The following TRABD2B variants were observed in gnomAD, a reference collection of about 807,000 sequenced individuals.
TRABD2B encodes the protein metalloprotease TIKI2.
In TRABD2B, 14 loss-of-function variants were observed where a neutral mutation model predicts 40.1. The observed-to-expected ratio is 0.35, with a 90% CI of 0.23 to 0.55. TRABD2B has a LOEUF of 0.55. TRABD2B is among the 20% of genes least tolerant of loss of function. The pLI is 0.90. For synonymous variants in TRABD2B, 263 were observed against 277.0 expected, an observed-to-expected ratio of 0.95 and a Z score of 0.50; for missense variants, 541 against 648.6, an observed-to-expected ratio of 0.83 and a Z score of 1.80.
chr1:47,924,230 CTT>C (rs1314971971), intron 2 of TRABD2B, among the ~76,000 whole-genome samples: 1 of 152,192 alleles, frequency 6.6e-6, no homozygotes, highest in Non-Finnish European at 1.5e-5. Flanking sequence ...GCTCAAGCAT[CTT>C]GGCTGCTTCC....
chr1:47,868,445 G>A (rs996943906), intron 2 of TRABD2B, among the ~76,000 whole-genome samples: 7 of 152,182 alleles, frequency 4.6e-5, no homozygotes, highest in Admixed American at 1.3e-4. Flanking sequence ...ACTGGTACAT[G>A]TCCATGGCCT....
rs1028918790 is a variant in TRABD2B, at chr1:47,766,075, G to C, written c.1381C>G (p.Gln461Glu). The C allele has an allele frequency of 3.6e-5, 25 of 700,034 alleles. No homozygotes were observed. Among genetic ancestry groups the C allele is most frequent in the African/African-American group, 3.0e-4 (17 of 57,220 alleles). The allele number at this position is 700,034 out of a possible 1,614,324, so 43.4% of individuals were successfully genotyped here. A position where few individuals can be genotyped will look rare whatever the true frequency, so the allele number is the denominator to read the frequency against. The change falls in exon 7 of 7, where the codon CAG becomes GAG. Residue 461 changes from glutamine (Q) to glutamate (E), a missense_variant. By Grantham distance (29) the Gln-to-Glu change is conservative. This residue lies in a region of TRABD2B where 172 missense variants were observed against 155.8 expected (regional missense o/e 1.10). Transcript: ENST00000606738. ...GCGGTCCCCGAGCTGTGGGTGGGCTGCAGGGGCAGCGGGGGTGGTGAGGCG... is the reference window on the plus strand; with the variant it reads ...GCGGTCCCCGAGCTGTGGGTGGGCTCCAGGGGCAGCGGGGGTGGTGAGGCG... ...TTASPPPLPLQPTHSSGTAKP... is the reference protein window; with the variant it reads ...TTASPPPLPLEPTHSSGTAKP...
At chr1:47,958,857 C>T (rs376283902) in intron 2 of TRABD2B, among the ~76,000 whole-genome samples, 9 of 152,228 alleles carry the variant, frequency 5.9e-5, no homozygotes, top group South Asian at 2.1e-4. Flanking sequence ...CTGCACCAAC[C>T]GGACCTAATA....
At chr1:47,901,243 C>A (rs561605205) in intron 2 of TRABD2B, among the ~76,000 whole-genome samples, 1 of 152,318 alleles carries the variant, frequency 6.6e-6, no homozygotes, top group South Asian at 2.1e-4. Context: ...CACCAAGTGG[C>A]ACTTGGAACA....
At position 47,812,295 on chromosome 1, in the gene TRABD2B, G is replaced by A. The variant is rs181310396; in HGVS notation, c.667-10676C>T. Among the ~76,000 whole-genome samples the A allele has an allele frequency of 6.6e-5, 10 of 152,312 alleles. No individual in the cohort carries two copies. In the East Asian group the frequency reaches 1.2e-3, roughly 18 times the overall value. On this transcript the variant is annotated intron_variant, in intron 2 of 6. Coordinates refer to ENST00000606738, the MANE Select transcript of TRABD2B (RefSeq NM_001194986.2). Reference sequence around the variant, plus strand: ...TGATGGAGGAGATGACGGAAGGCACGGGTAATTATAATGTGGTAAGTTAAT... The same window carrying A: ...TGATGGAGGAGATGACGGAAGGCACAGGTAATTATAATGTGGTAAGTTAAT...
At position 47,982,958 on chromosome 1, in the gene TRABD2B, T is replaced by C. The variant is rs542163879; in HGVS notation, c.666+11076A>G. 4.8e-4 allele frequency among the ~76,000 whole-genome samples: 73 copies of C among 152,320 alleles called. 1 individual carries two copies. The highest frequency in any genetic ancestry group is 1.7e-3 in the African/African-American group (69 of 41,578). On this transcript the variant is annotated intron_variant, in intron 2 of 6. Coordinates refer to ENST00000606738, the MANE Select transcript of TRABD2B (RefSeq NM_001194986.2). ...AGCAGGCCTCACCATGCGGGTTCTG[T>C]AGTGGTGGGTCAACAAACATCACTG...
At chr1:47,778,663 C>T (rs1644480415) in intron 4 of TRABD2B, 119 bp from the exon 5 acceptor site, 1 of 712,516 alleles carries the variant, frequency 1.4e-6, no homozygotes, top group African/African-American at 1.7e-5. Context: ...AAGTCAATGC[C>T]CCAGATTCCC....
chr1:47,992,516 T>C (rs903052427), intron 2 of TRABD2B, among the ~76,000 whole-genome samples: 6 of 152,194 alleles, frequency 3.9e-5, no homozygotes, highest in Admixed American at 3.9e-4. Flanking sequence ...TTGAGAGTGA[T>C]GGTGGATACC....
At chr1:47,925,933 C>T (rs948285779) in intron 2 of TRABD2B, among the ~76,000 whole-genome samples, 1 of 152,128 alleles carries the variant, frequency 6.6e-6, no homozygotes, top group Non-Finnish European at 1.5e-5. Context: ...TCTTTCAATA[C>T]ATTTTGTAGT....
Position 47,794,574 on chromosome 1 carries a change from A to C in TRABD2B, c.988+12T>G. 4.0e-6 allele frequency: 6 copies of C among 1,513,318 alleles called. No individual in the cohort carries two copies. The highest frequency in any genetic ancestry group is 5.3e-6 in the Non-Finnish European group (6 of 1,131,304). 93.7% of individuals were successfully genotyped at this position (1,513,318 alleles called of 1,614,324 possible). A position where few individuals can be genotyped will look rare whatever the true frequency, so the allele number is the denominator to read the frequency against. On this transcript the variant is annotated intron_variant, in intron 4 of 6. Coordinates refer to ENST00000606738, the MANE Select transcript of TRABD2B (RefSeq NM_001194986.2). ...ATTCTGCAAACAATCCCTTCCCCACACTGGCCCAAACCTGCTCCGAAGGCA... is the reference window on the plus strand; with the variant it reads ...ATTCTGCAAACAATCCCTTCCCCACCCTGGCCCAAACCTGCTCCGAAGGCA...
intron 2 of TRABD2B, among the ~76,000 whole-genome samples, chr1:47,990,792 T>C (rs1645995688): frequency 2.5e-5 from 1 of 39,662 alleles, no homozygotes; most frequent in Non-Finnish European, 4.7e-5. Context: ...TATATATATA[T>C]ATATATATAT....
intron 6 of TRABD2B, among the ~76,000 whole-genome samples, chr1:47,770,317 G>C (rs1428136022): frequency 3.9e-5 from 6 of 152,190 alleles, no homozygotes; most frequent in Non-Finnish European, 7.3e-5. Flanking sequence ...TCGGATGAGA[G>C]ATCCAAAGCA....
intron 2 of TRABD2B, among the ~76,000 whole-genome samples, chr1:47,913,001 T>C (rs568641431): frequency 6.6e-6 from 1 of 152,326 alleles, no homozygotes; most frequent in South Asian, 2.1e-4. Context: ...GGTTACTGAC[T>C]GATTTCAAGT....
In TRABD2B at chr1:47,761,322, C is replaced by T. The variant is rs776690697; in HGVS notation, c.*4580G>A. ...AGGGGGTCAATCAGTTCTCGTGAAC[C>T]CTTTCCTCCCCTGGGGTCAGGGAGT... On this transcript the variant is annotated 3_prime_UTR_variant, in exon 7 of 7. Coordinates refer to ENST00000606738, the MANE Select transcript of TRABD2B (RefSeq NM_001194986.2). The T allele has an allele frequency of 2.0e-5, 3 of 152,326 alleles. No homozygotes were observed. The highest frequency in any genetic ancestry group is 7.2e-5 in the African/African-American group (3 of 41,456). The allele number at this position is 152,326 out of a possible 1,614,324, so 9.4% of individuals were successfully genotyped here. A position where few individuals can be genotyped will look rare whatever the true frequency, so the allele number is the denominator to read the frequency against.
At chr1:47,897,189 T>G (rs901153698) in intron 2 of TRABD2B, among the ~76,000 whole-genome samples, 1 of 151,994 alleles carries the variant, frequency 6.6e-6, no homozygotes, top group Non-Finnish European at 1.5e-5. Flanking sequence ...AAGGTGACAT[T>G]TGAATAAAGA....
At chr1:47,911,555 C>A (rs1644763121) in intron 2 of TRABD2B, among the ~76,000 whole-genome samples, 1 of 152,330 alleles carries the variant, frequency 6.6e-6, no homozygotes, top group South Asian at 2.1e-4. Context: ...GTTCTGTAAG[C>A]GACACTCACC....
At chr1:47,857,384 C>T (rs924556995) in intron 2 of TRABD2B, among the ~76,000 whole-genome samples, 9 of 152,166 alleles carry the variant, frequency 5.9e-5, no homozygotes, top group East Asian at 3.9e-4. Context: ...GGCCAGCCAC[C>T]GTTGCTGCAT....
chr1:47,768,935 G>A (rs1341284293), intron 6 of TRABD2B, among the ~76,000 whole-genome samples: 1 of 152,186 alleles, frequency 6.6e-6, no homozygotes, highest in East Asian at 1.9e-4. Flanking sequence ...TGTCTCCCCA[G>A]CCTGAGACAG....
chr1:47,994,459 G>A lies in TRABD2B; in HGVS notation c.241C>T (p.Arg81Cys), dbSNP rs1419155375. 1.0e-5 allele frequency: 16 copies of A among 1,536,062 alleles called. No homozygotes were observed. Among genetic ancestry groups the A allele is most frequent in the African/African-American group, 5.5e-5 (4 of 73,066 alleles). The change falls in exon 2 of 7, where the codon CGT becomes TGT. Residue 81 changes from arginine to cysteine, a missense_variant. Around this residue, in one of 2 missense-constraint regions of TRABD2B, gnomAD observed 369 missense variants for 492.8 expected, o/e 0.75. Transcript: ENST00000606738. The surrounding 1 kb of genome is among the most constrained non-coding windows in gnomAD (Gnocchi z 6.7). ...NSKAAFQASTRVYFELDLTDP... is the reference protein window; with the variant it reads ...NSKAAFQASTCVYFELDLTDP... ...GTAAGGTCCAGCTCAAAGTAGACAC[G>A]GGTGCTAGCCTGGAAGGCTGCCTTG... is the stretch of plus-strand genomic sequence containing the variant.
Sources: allele counts gnomAD v4.1 joint callset (sites outside exome capture counted in the v4.1 genomes callset), GRCh38; gene constraint gnomAD v4.1.1; regional missense constraint gnomAD v4.1.1; non-coding constraint Gnocchi (gnomAD v3.1); transcripts MANE v1.5; gene names NCBI Gene and HGNC (gene_info 2026-07-23, HGNC 2026-07-21).